RBFOX1: variants seen among roughly 807,000 people sequenced by gnomAD.
RBFOX1 encodes the protein RNA binding protein fox-1 homolog 1.
RBFOX1 carries 8 observed loss-of-function variants against 57.7 expected under a neutral mutation model. That is an observed-to-expected ratio of 0.14 (90% confidence interval 0.08 to 0.25). The LOEUF (loss-of-function observed/expected upper bound fraction) is 0.25, where lower values mean the gene tolerates loss of function less well. Among genes scored for constraint, RBFOX1 ranks in the 10% least tolerant of loss-of-function variants. RBFOX1 has a pLI of 1.00. For missense variants in RBFOX1, 611 were observed against 548.5 expected, an observed-to-expected ratio of 1.11 and a Z score of -1.14; for synonymous variants, 326 against 222.4, an observed-to-expected ratio of 1.47 and a Z score of -4.15.
chr16:5,527,684 G>A (rs1035923416), intron 2 of RBFOX1, among the ~76,000 whole-genome samples: 1 of 152,090 alleles, frequency 6.6e-6, no homozygotes. Context: ...TGCTTGAGCT[G>A]CAGACTTAGG....
chr16:6,820,100 A>G (rs541746465), intron 3 of RBFOX1, among the ~76,000 whole-genome samples: 1 of 152,254 alleles, frequency 6.6e-6, no homozygotes, highest in South Asian at 2.1e-4. Flanking sequence ...AATAGTGAGT[A>G]AGTCTCATGA....
intron 3 of RBFOX1, among the ~76,000 whole-genome samples, chr16:6,666,998 C>T (rs2098737192): frequency 6.6e-6 from 1 of 152,168 alleles, no homozygotes; most frequent in Non-Finnish European, 1.5e-5. Context: ...TGGGTCTCTG[C>T]ACCTGCCTTT....
At chr16:5,522,824 A>T (rs954302660) in intron 2 of RBFOX1, among the ~76,000 whole-genome samples, 6 of 152,224 alleles carry the variant, frequency 3.9e-5, no homozygotes, top group African/African-American at 1.4e-4. Flanking sequence ...TATTTCACTG[A>T]ACATAATGAT....
At chr16:6,308,628 C>T (rs1000234368) in intron 1 of RBFOX1, among the ~76,000 whole-genome samples, 1 of 152,132 alleles carries the variant, frequency 6.6e-6, no homozygotes, top group Non-Finnish European at 1.5e-5. Context: ...CCCCTTGGAG[C>T]TAGGCTGAGC....
At chr16:7,541,192 G>A (rs1419626485) in intron 5 of RBFOX1, among the ~76,000 whole-genome samples, 1 of 152,206 alleles carries the variant, frequency 6.6e-6, no homozygotes, top group Non-Finnish European at 1.5e-5. Flanking sequence ...TTAAGGACAA[G>A]CACAAAGAAC....
At chr16:5,864,212 T>C (rs1402688510) in intron 3 of RBFOX1, among the ~76,000 whole-genome samples, 1 of 152,238 alleles carries the variant, frequency 6.6e-6, no homozygotes, top group Non-Finnish European at 1.5e-5. Context: ...GCTCCATCGA[T>C]GTCCCTGCGA....
chr16:7,105,032 T>G (rs572085984), intron 4 of RBFOX1, among the ~76,000 whole-genome samples: 7 of 152,002 alleles, frequency 4.6e-5, no homozygotes, highest in South Asian at 4.2e-4. Context: ...AAGCCCTTCT[T>G]GGCACCTACA....
intron 3 of RBFOX1, among the ~76,000 whole-genome samples, chr16:5,620,581 T>A (rs1406805293): frequency 2.6e-5 from 4 of 152,196 alleles, no homozygotes; most frequent in Non-Finnish European, 4.4e-5. Context: ...TCTTGCTGTG[T>A]CTTCTTACGG....
At chr16:5,490,758 G>T (rs1394952371) in intron 2 of RBFOX1, among the ~76,000 whole-genome samples, 1 of 152,160 alleles carries the variant, frequency 6.6e-6, no homozygotes, top group Non-Finnish European at 1.5e-5. Context: ...TGAAGCTGCC[G>T]CGCCCCCTGC....
intron 3 of RBFOX1, among the ~76,000 whole-genome samples, chr16:6,899,272 G>A (rs2067854077): frequency 1.3e-5 from 2 of 152,030 alleles, no homozygotes; most frequent in Non-Finnish European, 1.5e-5. Flanking sequence ...TATAACGTGT[G>A]CATGTATGTG....
chr16:7,355,911 T>G (rs188355159), intron 4 of RBFOX1, among the ~76,000 whole-genome samples: 1 of 152,342 alleles, frequency 6.6e-6, no homozygotes, highest in East Asian at 1.9e-4. Flanking sequence ...CCAAAGGCAA[T>G]CTGCCGGAGG....
At chr16:6,067,249 A>T (rs2095777682) in intron 1 of RBFOX1, among the ~76,000 whole-genome samples, 1 of 152,180 alleles carries the variant, frequency 6.6e-6, no homozygotes, top group Non-Finnish European at 1.5e-5. Flanking sequence ...CACAGAAGTT[A>T]AGCTGGTTTT....
intron 3 of RBFOX1, among the ~76,000 whole-genome samples, chr16:6,657,684 G>T (rs780414776): frequency 6.6e-6 from 1 of 152,150 alleles, no homozygotes; most frequent in Admixed American, 6.5e-5. Context: ...TGATAAAGTG[G>T]AATTGAAGTG....
intron 1 of RBFOX1, among the ~76,000 whole-genome samples, chr16:6,186,478 C>G (rs906991708): frequency 6.6e-6 from 1 of 152,022 alleles, no homozygotes; most frequent in African/African-American, 2.4e-5. Context: ...AGAGAGTAGA[C>G]TGCAGAAACA....
At chr16:5,835,457 C>T (rs2075991535) in intron 3 of RBFOX1, among the ~76,000 whole-genome samples, 3 of 152,198 alleles carry the variant, frequency 2.0e-5, no homozygotes, top group South Asian at 4.1e-4. Flanking sequence ...TTGAGTATAT[C>T]AGTCCTCCTA....
chr16:5,430,281 G>A (rs544395164), intron 1 of RBFOX1, among the ~76,000 whole-genome samples: 1 of 152,264 alleles, frequency 6.6e-6, no homozygotes, highest in Admixed American at 6.5e-5. Context: ...GGGGGTCAGG[G>A]GAGGCCTCTC....
chr16:6,767,355 C>T (rs2077480123), intron 3 of RBFOX1, among the ~76,000 whole-genome samples: 1 of 152,106 alleles, frequency 6.6e-6, no homozygotes, highest in Non-Finnish European at 1.5e-5. Flanking sequence ...TTCTCTGCCC[C>T]CCTGAGAATG....
At position 5,929,527 on chromosome 16, in the gene RBFOX1, T is replaced by C. The variant is rs2059004517; in HGVS notation, c.351+62192T>C. On this transcript the variant is annotated intron_variant, in intron 4 of 19. Coordinates refer to the RBFOX1 transcript ENST00000641259. ...TGAAGATTAAAGGACATAATCTATT[T>C]AAATTACCTCTTACTATACTGCAAG... is the stretch of plus-strand genomic sequence containing the variant. Among the ~76,000 whole-genome samples the C allele has an allele frequency of 2.0e-5, 3 of 152,298 alleles. No individual in the cohort carries two copies. The South Asian group carries it at 6.2e-4, about 32-fold the overall frequency.
chr16:7,091,877 A>G (rs922192102), intron 4 of RBFOX1, among the ~76,000 whole-genome samples: 9 of 152,226 alleles, frequency 5.9e-5, no homozygotes, highest in African/African-American at 1.2e-4. Context: ...AGTTGCAGAT[A>G]TAGAGTTGCT....
Sources: allele counts gnomAD v4.1 joint callset (sites outside exome capture counted in the v4.1 genomes callset), GRCh38; gene constraint gnomAD v4.1.1; transcripts MANE v1.5; gene names NCBI Gene and HGNC (gene_info 2026-07-23, HGNC 2026-07-21).